The following EIF4G3 variants were observed in gnomAD, a reference collection of about 807,000 sequenced individuals.
The protein encoded by EIF4G3 is eIF-4-gamma 3.
Under a neutral mutation model 186.4 loss-of-function variants are expected in EIF4G3, and 34 were observed. That is an observed-to-expected ratio of 0.18 (90% CI 0.14 to 0.24). The LOEUF (loss-of-function observed/expected upper bound fraction) is 0.24, where lower values mean the gene tolerates loss of function less well. Among genes scored for constraint, EIF4G3 ranks in the 10% least tolerant of loss-of-function variants. The pLI is 1.00. For synonymous variants in EIF4G3, 673 were observed against 679.5 expected (o/e 0.99, Z 0.15); for missense variants, 1,536 against 1,948.5 (o/e 0.79, Z 3.99).
chr1:21,089,223 C>T lies in EIF4G3; in HGVS notation c.-271-10G>A, dbSNP rs1293448629. 3 of 716,272 alleles carry T rather than the reference C, an allele frequency of 4.2e-6. No homozygotes were observed. The highest frequency in any genetic ancestry group is 2.7e-5 in the East Asian group (1 of 37,256). The allele number at this position is 716,272 out of a possible 1,614,324, so 44.4% of individuals were successfully genotyped here. On this transcript the variant is annotated splice_polypyrimidine_tract_variant and intron_variant, in intron 2 of 36. Coordinates refer to ENST00000602326, the MANE Select transcript of EIF4G3 (RefSeq NM_001391906.1). ...AGGTCCTCTAGGAATTCTAGAAGAG[C>T]GAGTTAAGGATAAGAGAATTCAAAA... is the stretch of plus-strand genomic sequence containing the variant.
chr1:21,007,531 A>AC (rs2085529130), intron 4 of EIF4G3, among the ~76,000 whole-genome samples: 7 of 143,866 alleles, frequency 4.9e-5, no homozygotes, highest in African/African-American at 1.5e-4. Flanking sequence ...AAAAAAAAAA[A>AC]AAAAAACACA....
intron 34 of EIF4G3, among the ~76,000 whole-genome samples, chr1:20,813,922 T>A (rs1050628944): frequency 4.7e-5 from 7 of 148,060 alleles, no homozygotes; most frequent in Non-Finnish European, 8.9e-5. Flanking sequence ...AGGACTGATC[T>A]GGCACTAAGA....
chr1:20,842,316 T>G (rs1007523049), intron 29 of EIF4G3, among the ~76,000 whole-genome samples: 3 of 152,236 alleles, frequency 2.0e-5, no homozygotes, highest in African/African-American at 7.2e-5. Context: ...CTTTTTTGTC[T>G]TTTCATGACA....
chr1:21,069,948 A>G (rs548163942), intron 3 of EIF4G3, among the ~76,000 whole-genome samples: 1 of 152,334 alleles, frequency 6.6e-6, no homozygotes, highest in South Asian at 2.1e-4. Flanking sequence ...AATATACTCA[A>G]TCATGGTTAT....
chr1:20,832,207 T>C (rs944546802), intron 30 of EIF4G3, among the ~76,000 whole-genome samples: 38 of 144,082 alleles, frequency 2.6e-4, no homozygotes, highest in Non-Finnish European at 4.1e-4. Flanking sequence ...ATGGTTGAAC[T>C]AGTTTACAGT....
intron 19 of EIF4G3, among the ~76,000 whole-genome samples, chr1:20,880,164 T>C (rs777344073): frequency 1.8e-4 from 28 of 152,136 alleles, no homozygotes; most frequent in Non-Finnish European, 3.2e-4. Context: ...ACCATTCCCA[T>C]TCAGTATCAT....
At chr1:20,929,601 A>G (rs1446478962) in intron 14 of EIF4G3, 2 of 152,250 alleles carry the variant, frequency 1.3e-5, no homozygotes, top group Admixed American at 1.3e-4. Flanking sequence ...AGCTGAAAAT[A>G]GAATTATCAA....
intron 2 of EIF4G3, among the ~76,000 whole-genome samples, chr1:21,154,785 A>G (rs528212709): frequency 4.5e-4 from 68 of 152,314 alleles, no homozygotes; most frequent in African/African-American, 1.6e-3. Context: ...CTCCATCTAT[A>G]TATCTCTTTA....
intron 3 of EIF4G3, among the ~76,000 whole-genome samples, chr1:21,063,617 AAAC>A (rs1227942409): frequency 6.6e-6 from 1 of 151,034 alleles, no homozygotes; most frequent in African/African-American, 2.4e-5. Context: ...GTGCACAGCA[AAAC>A]AACTTGAAGG....
intron 10 of EIF4G3, among the ~76,000 whole-genome samples, chr1:20,979,265 AAC>A (rs1188890410): frequency 6.6e-6 from 1 of 152,168 alleles, no homozygotes; most frequent in Non-Finnish European, 1.5e-5. Flanking sequence ...CTAAATTAAA[AAC>A]ACTTTTAATT....
chr1:20,844,799 TC>T (rs2070169841), intron 29 of EIF4G3, among the ~76,000 whole-genome samples: 1 of 151,912 alleles, frequency 6.6e-6, no homozygotes, highest in Admixed American at 6.6e-5. Flanking sequence ...GCCACTGCAC[TC>T]CAGCCTGGGC....
intron 29 of EIF4G3, chr1:20,848,068 GT>G: frequency 3.1e-6 from 1 of 324,708 alleles, no homozygotes; most frequent in South Asian, 2.4e-5. Context: ...CGGGCTTCAA[GT>G]GATCCTCCCA....
intron 2 of EIF4G3, among the ~76,000 whole-genome samples, chr1:21,106,348 G>A (rs553823102): frequency 6.6e-6 from 1 of 152,112 alleles, no homozygotes; most frequent in African/African-American, 2.4e-5. Flanking sequence ...AAAGGTAGTG[G>A]CCTAGAAGAC....
chr1:20,814,747 ATCTCCCCCTCCCCCTCCC>A (rs1557737451), intron 34 of EIF4G3, among the ~76,000 whole-genome samples: 1 of 25,252 alleles, frequency 4.0e-5, no homozygotes, highest in African/African-American at 1.0e-4. Context: ...TTAAAAATTC[ATCTCCCCCTCCCCCTCCC>A]CCTCCCCCTC....
chr1:21,035,453 C>G (rs2093109469), intron 4 of EIF4G3, among the ~76,000 whole-genome samples: 1 of 152,178 alleles, frequency 6.6e-6, no homozygotes, highest in Admixed American at 6.5e-5. Flanking sequence ...GCCCCTGTCA[C>G]CACAGGCTCA....
chr1:20,892,597 A>G (rs1436145580), intron 18 of EIF4G3: 7 of 1,452,392 alleles, frequency 4.8e-6, no homozygotes, highest in Admixed American at 2.0e-5. Flanking sequence ...TATTATTACA[A>G]AAAACAAAGT....
chr1:20,816,492 TG>T (rs1254267366), intron 34 of EIF4G3, among the ~76,000 whole-genome samples: 1 of 61,198 alleles, frequency 1.6e-5, no homozygotes. Flanking sequence ...GGGAGGGAGG[TG>T]GGGGGGTCAG....
At chr1:20,827,296 T>G (rs185472376) in intron 32 of EIF4G3, among the ~76,000 whole-genome samples, 2 of 152,232 alleles carry the variant, frequency 1.3e-5, no homozygotes, top group Non-Finnish European at 2.9e-5. Context: ...TCCAGCTCTA[T>G]GGAGCTTTTC....
chr1:21,049,134 G>C (rs574425769), intron 4 of EIF4G3, among the ~76,000 whole-genome samples: 102 of 152,314 alleles, frequency 6.7e-4, no homozygotes, highest in African/African-American at 2.3e-3. Flanking sequence ...CCCTGCATCA[G>C]CTCTTGGCTA....
Sources: gnomAD v4.1 joint callset for allele counts (sites outside exome capture counted in the v4.1 genomes callset) on GRCh38, gnomAD v4.1.1 for gene constraint, MANE v1.5 for transcripts, NCBI Gene and HGNC (gene_info 2026-07-23, HGNC 2026-07-21) for gene names.